The following MARCHF1 variants were observed in gnomAD, a reference collection of about 807,000 sequenced individuals.
MARCHF1 encodes the protein membrane associated ring-CH-type finger 1.
MARCHF1 carries 40 observed loss-of-function variants against 54.2 expected under a neutral mutation model. The observed-to-expected ratio is 0.74, with a 90% CI of 0.57 to 0.96. MARCHF1 has a LOEUF of 0.96. MARCHF1 is among the 40% of genes least tolerant of loss of function. MARCHF1 has a pLI of 0.00. For missense variants in MARCHF1, 586 were observed against 656.5 expected, an observed-to-expected ratio of 0.89 and a Z score of 1.17; for synonymous variants, 236 against 236.3, an observed-to-expected ratio of 1.00 and a Z score of 0.01.
At chr4:164,325,774 T>C (rs952100003) in intron 1 of MARCHF1, among the ~76,000 whole-genome samples, 1 of 151,946 alleles carries the variant, frequency 6.6e-6, no homozygotes, top group Non-Finnish European at 1.5e-5. Context: ...AAAGAAAACC[T>C]AAATTGTATA....
chr4:164,350,983 A>C (rs952030560), intron 1 of MARCHF1, among the ~76,000 whole-genome samples: 11 of 151,946 alleles, frequency 7.2e-5, no homozygotes, highest in Admixed American at 7.2e-4. Context: ...TCCCTTTCCG[A>C]GTCAAAGAAA....
intron 2 of MARCHF1, among the ~76,000 whole-genome samples, chr4:164,035,507 T>C (rs954568178): frequency 6.6e-6 from 1 of 151,812 alleles, no homozygotes; most frequent in Non-Finnish European, 1.5e-5. Context: ...TTGTAAAGTA[T>C]ACACATATTC....
intron 7 of MARCHF1, among the ~76,000 whole-genome samples, chr4:163,595,260 T>C (rs535121407): frequency 6.6e-6 from 1 of 150,984 alleles, no homozygotes; most frequent in East Asian, 2.0e-4. Flanking sequence ...GCCTGTAAAC[T>C]CAGCACTTTG....
At chr4:164,124,396 C>G (rs1756136624) in intron 1 of MARCHF1, among the ~76,000 whole-genome samples, 1 of 152,064 alleles carries the variant, frequency 6.6e-6, no homozygotes, top group Non-Finnish European at 1.5e-5. Flanking sequence ...AAAAATTGAG[C>G]TGCTATAGGA....
chr4:163,638,542 A>G (rs1035234576), intron 5 of MARCHF1, among the ~76,000 whole-genome samples: 1 of 152,122 alleles, frequency 6.6e-6, no homozygotes, highest in Non-Finnish European at 1.5e-5. Flanking sequence ...TGCTTCCTCT[A>G]CAATCTGGAG....
intron 2 of MARCHF1, among the ~76,000 whole-genome samples, chr4:164,068,075 T>C (rs1286751979): frequency 2.6e-5 from 4 of 152,178 alleles, no homozygotes; most frequent in African/African-American, 7.2e-5. Context: ...AAATAACAGA[T>C]GCTAGTGACG....
chr4:163,842,679 G>A (rs1181424413), intron 4 of MARCHF1, among the ~76,000 whole-genome samples: 1 of 152,094 alleles, frequency 6.6e-6, no homozygotes, highest in African/African-American at 2.4e-5. Flanking sequence ...CACGTAGTAT[G>A]TATTCAATAA....
chr4:163,985,560 G>C (rs1459361512), intron 3 of MARCHF1, among the ~76,000 whole-genome samples: 3 of 152,044 alleles, frequency 2.0e-5, no homozygotes, highest in African/African-American at 7.2e-5. Context: ...ATATTTTCTT[G>C]ATATCCTTAA....
intron 3 of MARCHF1, among the ~76,000 whole-genome samples, chr4:163,952,816 G>A (rs1203029116): frequency 1.3e-5 from 2 of 152,104 alleles, no homozygotes; most frequent in Non-Finnish European, 2.9e-5. Context: ...AAGAAAAAGA[G>A]GCTTCTTCTG....
chr4:163,840,803 C>T (rs1031591153), intron 4 of MARCHF1, among the ~76,000 whole-genome samples: 25 of 151,880 alleles, frequency 1.6e-4, no homozygotes, highest in African/African-American at 6.0e-4. Flanking sequence ...GATACATACT[C>T]ATAACTATGT....
chr4:163,939,435 T>G (rs1751865453), intron 3 of MARCHF1, among the ~76,000 whole-genome samples: 1 of 152,142 alleles, frequency 6.6e-6, no homozygotes, highest in Non-Finnish European at 1.5e-5. Flanking sequence ...CTGACTGGTA[T>G]CCACAGAACG....
intron 1 of MARCHF1, among the ~76,000 whole-genome samples, chr4:164,267,969 T>C (rs1326258951): frequency 2.0e-5 from 3 of 151,708 alleles, no homozygotes; most frequent in Non-Finnish European, 4.4e-5. Context: ...CTCAGGTTGA[T>C]AGCAGTCCAA....
At chr4:164,236,796 C>T (rs1471386685) in intron 1 of MARCHF1, among the ~76,000 whole-genome samples, 1 of 152,098 alleles carries the variant, frequency 6.6e-6, no homozygotes, top group East Asian at 1.9e-4. Flanking sequence ...TTAATATGCT[C>T]TATTTGGAAC....
At chr4:163,925,491 A>C (rs34099461) in intron 3 of MARCHF1, among the ~76,000 whole-genome samples, 26,425 of 151,806 alleles carry the variant, frequency 0.17, 2,857 homozygotes, top group South Asian at 0.34. Flanking sequence ...ACCCATTGTT[A>C]CATTACTACT....
chr4:164,335,043 A>C (rs907670527), intron 1 of MARCHF1, among the ~76,000 whole-genome samples: 1 of 152,256 alleles, frequency 6.6e-6, no homozygotes, highest in Non-Finnish European at 1.5e-5. Context: ...ATTGATGAGC[A>C]AAGAAAGTGG....
At chr4:163,629,694 C>A (rs1742003482) in intron 5 of MARCHF1, among the ~76,000 whole-genome samples, 1 of 151,864 alleles carries the variant, frequency 6.6e-6, no homozygotes, top group Non-Finnish European at 1.5e-5. Context: ...TCTAAGGGGG[C>A]TAGGGGAGGG....
chr4:164,264,376 T>TA (rs959601350), intron 1 of MARCHF1, among the ~76,000 whole-genome samples: 3 of 151,898 alleles, frequency 2.0e-5, no homozygotes, highest in African/African-American at 7.3e-5. Flanking sequence ...AAAAGATAAC[T>TA]ATTGGGTACT....
At chr4:164,285,593 C>A (rs1734125229) in intron 1 of MARCHF1, among the ~76,000 whole-genome samples, 1 of 151,626 alleles carries the variant, frequency 6.6e-6, no homozygotes, top group African/African-American at 2.4e-5. Flanking sequence ...TAGGCGCCTG[C>A]AACCACGCCC....
intron 1 of MARCHF1, among the ~76,000 whole-genome samples, chr4:164,314,049 C>T (rs1328515931): frequency 6.6e-6 from 1 of 152,152 alleles, no homozygotes; most frequent in Non-Finnish European, 1.5e-5. Context: ...GCTTAAAATC[C>T]TTTGTTTCGA....
Sources: allele counts gnomAD v4.1 joint callset (sites outside exome capture counted in the v4.1 genomes callset), GRCh38; gene constraint gnomAD v4.1.1; transcripts MANE v1.5; gene names NCBI Gene and HGNC (gene_info 2026-07-23, HGNC 2026-07-21).